Variants in MMP26 observed in about 807,000 individuals in gnomAD.
The protein encoded by MMP26 is matrix metallopeptidase 26, also known as matrix metalloproteinase-26.
MMP26 carries 33 observed loss-of-function variants against 31.0 expected under a neutral mutation model. That is an observed-to-expected ratio of 1.06 (90% confidence interval 0.81 to 1.42). The LOEUF (loss-of-function observed/expected upper bound fraction) is 1.42, where lower values mean the gene tolerates loss of function less well. MMP26 is among the 40% of genes most tolerant of loss of function. The pLI, the probability that MMP26 is intolerant of heterozygous loss-of-function variation, is 0.00. For synonymous variants in MMP26, 122 were observed against 114.9 expected (o/e 1.06, Z -0.40); for missense variants, 347 against 316.1 (o/e 1.10, Z -0.74).
chr11:4,848,961 G>T, intron 2 of MMP26: 2 of 1,614,182 alleles, frequency 1.2e-6, no homozygotes, highest in Non-Finnish European at 1.7e-6. Flanking sequence ...CATCAGGGCA[G>T]TGACCAATCC....
rs188021754 is a variant in MMP26 at position 4,844,968 on chromosome 11, T to C, written c.-145+77627T>C. On this transcript the variant is annotated intron_variant, in intron 2 of 7. Coordinates refer to ENST00000380390, the MANE Select transcript of MMP26 (RefSeq NM_021801.5). ...ATGGAAAAATTCAGATTATTCTTATTTTCAGAAGATACGATCTTATATTTG... is the reference window on the plus strand; with the variant it reads ...ATGGAAAAATTCAGATTATTCTTATCTTCAGAAGATACGATCTTATATTTG... 1.6e-3 allele frequency among the ~76,000 whole-genome samples: 251 copies of C among 152,252 alleles called. 2 individuals carry two copies. The highest frequency in any genetic ancestry group is 5.8e-3 in the African/African-American group (241 of 41,566).
At chr11:4,804,805 A>AC (rs1360420022) in intron 2 of MMP26, among the ~76,000 whole-genome samples, 5 of 139,522 alleles carry the variant, frequency 3.6e-5, no homozygotes, top group Non-Finnish European at 7.9e-5. Context: ...ACAAAACAAA[A>AC]CAAAAAAAAA....
intron 1 of MMP26, chr11:4,723,158 T>C: frequency 6.3e-7 from 1 of 1,599,270 alleles, no homozygotes; most frequent in South Asian, 1.1e-5. Context: ...AATGGCCAGC[T>C]CCCCACGCTG....
At chr11:4,792,904 A>G (rs1430304855) in intron 2 of MMP26, among the ~76,000 whole-genome samples, 6 of 152,114 alleles carry the variant, frequency 3.9e-5, no homozygotes, top group African/African-American at 1.4e-4. Flanking sequence ...TAGTTATTTT[A>G]TATGTTTTAT....
chr11:4,743,967 C>T (rs548150026), intron 1 of MMP26, among the ~76,000 whole-genome samples: 214 of 151,138 alleles, frequency 1.4e-3, no homozygotes, highest in Middle Eastern at 3.4e-3. Context: ...TACCTTACCA[C>T]CTAATTTGTT....
chr11:4,884,746 A>G (rs957672656), intron 2 of MMP26, among the ~76,000 whole-genome samples: 1 of 152,152 alleles, frequency 6.6e-6, no homozygotes, highest in Non-Finnish European at 1.5e-5. Context: ...AAGTTTCCAA[A>G]TATCTGGAAA....
At chr11:4,907,095 T>TAAAAAAAAAAAAAAAAAAAAAAAAAAAAA (rs3065178) in intron 2 of MMP26, among the ~76,000 whole-genome samples, 1 of 55,126 alleles carries the variant, frequency 1.8e-5, no homozygotes, top group African/African-American at 6.5e-5. Flanking sequence ...AAACTCCCTC[T>TAAAAAAAAAAAAAAAAAAAAAAAAAAAAA]AAAAAAAAAA....
intron 2 of MMP26, among the ~76,000 whole-genome samples, chr11:4,939,444 A>G (rs951142037): frequency 1.3e-5 from 2 of 152,132 alleles, no homozygotes; most frequent in Non-Finnish European, 2.9e-5. Context: ...AATATCTCAG[A>G]ACACAGTTCC....
chr11:4,869,883 T>C (rs2133524744), intron 2 of MMP26, among the ~76,000 whole-genome samples: 1 of 152,308 alleles, frequency 6.6e-6, no homozygotes, highest in African/African-American at 2.4e-5. Context: ...CAGGGAATAC[T>C]ATGCAGCCAT....
intron 2 of MMP26, chr11:4,803,936 T>C: frequency 6.2e-7 from 1 of 1,612,360 alleles, no homozygotes; most frequent in South Asian, 1.1e-5. Context: ...ATCACGATGG[T>C]CCCCAGTTTG....
intron 1 of MMP26, among the ~76,000 whole-genome samples, chr11:4,732,637 C>T (rs1440110025): frequency 6.6e-6 from 1 of 151,990 alleles, no homozygotes; most frequent in Non-Finnish European, 1.5e-5. Flanking sequence ...TCCCTCTCAG[C>T]CCTGAGCAAT....
chr11:4,964,331 G>T (rs1846561266), intron 2 of MMP26, among the ~76,000 whole-genome samples: 2 of 151,958 alleles, frequency 1.3e-5, no homozygotes, highest in African/African-American at 2.4e-5. Context: ...CTGCATAATG[G>T]CTAGCCAGTT....
intron 2 of MMP26, among the ~76,000 whole-genome samples, chr11:4,878,470 A>G (rs1051846624): frequency 3.3e-5 from 5 of 152,156 alleles, no homozygotes; most frequent in Non-Finnish European, 7.4e-5. Context: ...AAAATGGTGC[A>G]TTCAGTGAGT....
intron 2 of MMP26, chr11:4,863,466 A>G (rs1257813770): frequency 6.6e-6 from 1 of 152,092 alleles, no homozygotes; most frequent in Non-Finnish European, 1.5e-5. Context: ...TTCTACCACC[A>G]CATGACACTC....
chr11:4,715,368 G>A (rs992856692), intron 1 of MMP26, among the ~76,000 whole-genome samples: 2 of 149,190 alleles, frequency 1.3e-5, no homozygotes, highest in African/African-American at 4.9e-5. Context: ...TATAACTCCA[G>A]AGGAAGAAGT....
chr11:4,750,676 G>C (rs752521029), intron 1 of MMP26, among the ~76,000 whole-genome samples: 2 of 152,024 alleles, frequency 1.3e-5, no homozygotes, highest in Non-Finnish European at 2.9e-5. Flanking sequence ...GAAACAGAAA[G>C]TAAAATACTG....
chr11:4,883,465 T>C (rs960330065), intron 2 of MMP26, among the ~76,000 whole-genome samples: 1 of 152,182 alleles, frequency 6.6e-6, no homozygotes, highest in African/African-American at 2.4e-5. Context: ...TAATCCCTTT[T>C]CTTCTTATAG....
At chr11:4,779,340 T>C (rs750400650) in intron 2 of MMP26, among the ~76,000 whole-genome samples, 3 of 152,078 alleles carry the variant, frequency 2.0e-5, no homozygotes, top group Non-Finnish European at 4.4e-5. Flanking sequence ...ATTTTATTAA[T>C]GTGGTAAGAT....
chr11:4,712,459 C>T (rs1306641318), intron 1 of MMP26: 3 of 152,028 alleles, frequency 2.0e-5, no homozygotes, highest in South Asian at 2.1e-4. Flanking sequence ...AAATATAGCT[C>T]CTAGAAATTT....
Sources: gnomAD v4.1 joint callset for allele counts (sites outside exome capture counted in the v4.1 genomes callset) on GRCh38, gnomAD v4.1.1 for gene constraint, MANE v1.5 for transcripts, NCBI Gene and HGNC (gene_info 2026-07-23, HGNC 2026-07-21) for gene names.